Variants in DZIP1 observed in about 807,000 individuals in gnomAD.
DZIP1 encodes the protein DAZ interacting zinc finger protein 1, also known as cilium assembly protein DZIP1.
DZIP1 carries 97 observed loss-of-function variants against 107.6 expected under a neutral mutation model. The observed-to-expected ratio is 0.90, with a 90% CI of 0.77 to 1.07. DZIP1 has a LOEUF of 1.07. Ranked by LOEUF, DZIP1 falls within the 50% of genes least tolerant of loss-of-function variation. The probability of loss-of-function intolerance (pLI) is 0.00; values close to 1 mark genes in which losing one functional copy is unlikely to be tolerated. For synonymous variants in DZIP1, 390 were observed against 386.4 expected (o/e 1.01, Z -0.11); for missense variants, 1,035 against 1,063.6 (o/e 0.97, Z 0.37).
chr13:95,591,418 C>T (rs1182435563), intron 16 of DZIP1, among the ~76,000 whole-genome samples: 1 of 152,156 alleles, frequency 6.6e-6, no homozygotes, highest in African/African-American at 2.4e-5. Flanking sequence ...CAGAAGAAAA[C>T]TAGTTAAAGG....
intron 10 of DZIP1, among the ~76,000 whole-genome samples, chr13:95,614,097 G>GCC (rs1212041793): frequency 7.3e-6 from 1 of 136,118 alleles, no homozygotes; most frequent in Non-Finnish European, 1.5e-5. Flanking sequence ...CTGCACTGTA[G>GCC]CCCCGGTGAC....
chr13:95,614,576 A>G (rs911817542), intron 10 of DZIP1, among the ~76,000 whole-genome samples: 1 of 152,254 alleles, frequency 6.6e-6, no homozygotes, highest in African/African-American at 2.4e-5. Flanking sequence ...GGAAAAGAGT[A>G]CATGGAGAAA....
At chr13:95,640,306 C>A (rs569393906) in intron 5 of DZIP1, among the ~76,000 whole-genome samples, 1 of 152,176 alleles carries the variant, frequency 6.6e-6, no homozygotes, top group South Asian at 2.1e-4. Context: ...CCACTGTTCC[C>A]CTATCTTAAG....
chr13:95,589,331 A>G, intron 18 of DZIP1, 124 bp from the exon 19 acceptor site: 1 of 719,816 alleles, frequency 1.4e-6, no homozygotes, highest in Non-Finnish European at 2.3e-6. Flanking sequence ...CAGCAACAAA[A>G]GTCACCCAGC....
At chr13:95,635,997 G>C (rs1475189320) in intron 5 of DZIP1, among the ~76,000 whole-genome samples, 1 of 150,920 alleles carries the variant, frequency 6.6e-6, no homozygotes, top group Non-Finnish European at 1.5e-5. Context: ...AGGAAGGGAG[G>C]GAGGGAGGGA....
chr13:95,588,612 T>A (rs2044227533), intron 19 of DZIP1, among the ~76,000 whole-genome samples: 1 of 152,168 alleles, frequency 6.6e-6, no homozygotes, highest in Admixed American at 6.6e-5. Context: ...ATAAGGAAAT[T>A]GAGACTTAAA....
Position 95,605,990 on chromosome 13 carries a change from T to C in DZIP1, c.1477+13A>G. ...ACTGCACATAAAACGCTGAGACTAT[T>C]ACTGAAACTTACCATGCACCATTGG... is the stretch of plus-strand genomic sequence containing the variant. On this transcript the variant is annotated intron_variant, in intron 14 of 22. Transcript: ENST00000376829. 3 of 1,613,440 alleles carry C rather than the reference T, an allele frequency of 1.9e-6. No homozygotes were observed. The highest frequency in any genetic ancestry group is 2.5e-6 in the Non-Finnish European group (3 of 1,179,474).
rs1366179138 is a variant in DZIP1 at position 95,586,097 on chromosome 13, A to G, written c.2258T>C (p.Met753Thr). 6.2e-7 allele frequency: 1 copy of G among 1,612,318 alleles called. No homozygotes were observed. The highest frequency in any genetic ancestry group is 1.3e-5 in the African/African-American group (1 of 74,942). ...GTTCACATTTTTGCGATGTGGAAAC[A>G]TCTTTTCAACTTTTTCAGTAGGTGT... ...VKTPTEKVEKMFPHRKNVNKP... is the reference protein window; with the variant it reads ...VKTPTEKVEKTFPHRKNVNKP... Residue 753 changes from methionine (M) to threonine (T), a missense_variant, in exon 21 of 23, where the codon ATG becomes ACG. By Grantham distance (81) the Met-to-Thr change is moderately conservative (BLOSUM62 -1). Coordinates refer to ENST00000376829, the MANE Select transcript of DZIP1 (RefSeq NM_198968.4).
At chr13:95,638,085 CTTTTTTTTT>C (rs57203833) in intron 5 of DZIP1, among the ~76,000 whole-genome samples, 1 of 88,656 alleles carries the variant, frequency 1.1e-5, no homozygotes, top group South Asian at 4.5e-4. Flanking sequence ...TGAGTTCAAT[CTTTTTTTTT>C]TTTTTTTTTT....
At chr13:95,596,074 G>C (rs966731881) in intron 15 of DZIP1, among the ~76,000 whole-genome samples, 1 of 152,142 alleles carries the variant, frequency 6.6e-6, no homozygotes, top group South Asian at 2.1e-4. Flanking sequence ...TGAATAATTA[G>C]AGCACCCTTG....
At chr13:95,626,349 A>G (rs1225204736) in intron 7 of DZIP1, among the ~76,000 whole-genome samples, 1 of 152,194 alleles carries the variant, frequency 6.6e-6, no homozygotes. Context: ...GCCACCCCAA[A>G]TAAGAAATGA....
intron 14 of DZIP1, 70 bp downstream of exon 14, chr13:95,605,933 T>C (rs567034000): frequency 6.8e-7 from 1 of 1,473,330 alleles, no homozygotes; most frequent in Admixed American, 1.8e-5. Context: ...ATAATCACTT[T>C]TGGTTAATAA....
intron 9 of DZIP1, among the ~76,000 whole-genome samples, chr13:95,621,749 C>T (rs1261790449): frequency 1.3e-5 from 2 of 149,444 alleles, no homozygotes; most frequent in East Asian, 3.9e-4. Context: ...CTGAGTATCA[C>T]TCTTGTTGCC....
At chr13:95,630,742 G>A (rs752956097) in intron 6 of DZIP1, 7 of 1,280,522 alleles carry the variant, frequency 5.5e-6, no homozygotes, top group Non-Finnish European at 6.1e-6. Context: ...CTGAATGGAT[G>A]TACATGTGTC....
At chr13:95,610,057 T>A (rs1374243407) in intron 12 of DZIP1, among the ~76,000 whole-genome samples, 1 of 24,392 alleles carries the variant, frequency 4.1e-5, no homozygotes, top group South Asian at 1.5e-3. Context: ...ACTGGTTTAG[T>A]GTGTGTGTGT....
chr13:95,584,716 T>G lies in DZIP1; in HGVS notation c.2524+20A>C. ...ATAAGAAAATGGATCGAGCTTGTAT[T>G]AGAGGGGAAAGCAGCAAACCTTCTC... On this transcript the variant is annotated intron_variant, in intron 22 of 22. Transcript: ENST00000376829. 2.5e-6 allele frequency: 4 copies of G among 1,603,464 alleles called. No homozygotes were observed. The highest frequency in any genetic ancestry group is 3.4e-6 in the Non-Finnish European group (4 of 1,175,202).
In DZIP1 at chr13:95,606,003, C is replaced by T. The variant is rs1183227203; in HGVS notation, c.1477G>A (p.Glu493Lys). The stretch of plus-strand genomic sequence containing the variant: ...CGCTGAGACTATTACTGAAACTTAC[C>T]ATGCACCATTGGCAGACTTGATTTA... Reference protein sequence around the residue: ...ETKSSLPMVHEQAFSSHILEP... With the variant: ...ETKSSLPMVHKQAFSSHILEP... The change falls in exon 14 of 23, where the codon GAA becomes AAA. Residue 493 changes from glutamate (E) to lysine (K), a missense_variant and splice_region_variant. Transcript: ENST00000376829. 6.2e-7 allele frequency: 1 copy of T among 1,613,850 alleles called. No individual in the cohort carries two copies. The highest frequency in any genetic ancestry group is 8.5e-7 in the Non-Finnish European group (1 of 1,179,880).
Position 95,584,817 on chromosome 13 carries a change from G to T in DZIP1, c.2443C>A (p.Pro815Thr). The T allele has an allele frequency of 6.2e-7, 1 of 1,614,112 alleles. No homozygotes were observed. The highest frequency in any genetic ancestry group is 8.5e-7 in the Non-Finnish European group (1 of 1,180,008). Residue 815 changes from proline (P) to threonine (T), a missense_variant, in exon 22 of 23, where the codon CCA becomes ACA. Coordinates refer to ENST00000376829, the MANE Select transcript of DZIP1 (RefSeq NM_198968.4). ...KKSGKEQKEP[P>T]PAKNEPHFAH... ...AAATGTGGTTCATTTTTCGCAGGTG[G>T]AGGTTCCTTCTGTTCTTTCCCAGAT...
chr13:95,585,437 A>C lies in DZIP1; in HGVS notation c.2350-527T>G, dbSNP rs181528323. Among the ~76,000 whole-genome samples the C allele has an allele frequency of 1.1e-3, 160 of 152,366 alleles. 1 individual carries two copies. The highest frequency in any genetic ancestry group is 4.1e-3 in the Admixed American group (62 of 15,306). ...TAACACAAATAGTATTAACTAATAA[A>C]AGTAATTTGACAAAATGCCCTGGAC... On this transcript the variant is annotated intron_variant, in intron 21 of 22. Transcript: ENST00000376829.
Sources: allele counts gnomAD v4.1 joint callset (sites outside exome capture counted in the v4.1 genomes callset), GRCh38; gene constraint gnomAD v4.1.1; transcripts MANE v1.5; gene names NCBI Gene and HGNC (gene_info 2026-07-23, HGNC 2026-07-21).